The following SEMA3C variants were observed in gnomAD, a reference collection of about 807,000 sequenced individuals.
SEMA3C encodes semaphorin 3C.
SEMA3C carries 47 observed loss-of-function variants against 89.4 expected under a neutral mutation model. The observed-to-expected ratio is 0.53, with a 90% confidence interval of 0.42 to 0.67. The LOEUF is 0.67. SEMA3C is among the 30% of genes least tolerant of loss of function. SEMA3C has a pLI of 0.00. For missense variants in SEMA3C, 839 were observed against 929.1 expected (o/e 0.90, Z 1.26); for synonymous variants, 310 against 320.2 (o/e 0.97, Z 0.34).
chr7:80,782,259 A>G (rs1788707818), intron 12 of SEMA3C, among the ~76,000 whole-genome samples: 1 of 152,202 alleles, frequency 6.6e-6, no homozygotes, highest in Non-Finnish European at 1.5e-5. Flanking sequence ...TCACACACAA[A>G]AATTCAGTCG....
intron 4 of SEMA3C, among the ~76,000 whole-genome samples, chr7:80,820,279 C>T (rs1052379357): frequency 2.6e-5 from 4 of 151,894 alleles, no homozygotes; most frequent in Non-Finnish European, 5.9e-5. Flanking sequence ...CCAGGATGGT[C>T]TCGATCTCCT....
At chr7:80,810,404 A>G (rs6953074) in intron 6 of SEMA3C, among the ~76,000 whole-genome samples, 12,819 of 152,176 alleles carry the variant, frequency 0.084, 574 homozygotes, top group Non-Finnish European at 0.098. Flanking sequence ...GAATGACAAA[A>G]CTGTCATAAG....
At chr7:80,829,672 T>C (rs1254899039) in intron 2 of SEMA3C, among the ~76,000 whole-genome samples, 1 of 152,156 alleles carries the variant, frequency 6.6e-6, no homozygotes, top group Non-Finnish European at 1.5e-5. Flanking sequence ...CCTCAGAGGT[T>C]AGTGACTCAC....
intron 2 of SEMA3C, among the ~76,000 whole-genome samples, chr7:80,909,205 T>C (rs1792088370): frequency 6.6e-6 from 1 of 152,146 alleles, no homozygotes; most frequent in Non-Finnish European, 1.5e-5. Flanking sequence ...CCTAAAATAA[T>C]TTAGAAGTTG....
At chr7:80,805,821 G>T (rs1345494794) in intron 6 of SEMA3C, 63 bp from the exon 7 acceptor site, 1 of 1,240,816 alleles carries the variant, frequency 8.1e-7, no homozygotes, top group Non-Finnish European at 1.1e-6. Context: ...TTCTAGGTGA[G>T]TTTATTTATT....
intron 2 of SEMA3C, among the ~76,000 whole-genome samples, chr7:80,880,292 T>C (rs1315785361): frequency 1.3e-5 from 2 of 152,324 alleles, no homozygotes; most frequent in African/African-American, 4.8e-5. Context: ...TTGTTTAAGA[T>C]AGTGAATAAT....
At chr7:80,746,718 G>GGTGTGTGTGTGT (rs5885196) in intron 17 of SEMA3C, among the ~76,000 whole-genome samples, 13,743 of 142,884 alleles carry the variant, frequency 0.096, 761 homozygotes, top group South Asian at 0.14. Context: ...ATTGAAGTGG[G>GGTGTGTGTGTGT]GTGTGTGTGT....
At chr7:80,895,937 A>C (rs554349738) in intron 2 of SEMA3C, among the ~76,000 whole-genome samples, 1 of 152,236 alleles carries the variant, frequency 6.6e-6, no homozygotes, top group Non-Finnish European at 1.5e-5. Flanking sequence ...CCTGTGAATA[A>C]AATTTGTAGT....
chr7:80,811,227 A>C (rs2115719665), intron 5 of SEMA3C, among the ~76,000 whole-genome samples: 1 of 152,304 alleles, frequency 6.6e-6, no homozygotes, highest in South Asian at 2.1e-4. Context: ...TTTAACAAAA[A>C]TTCACTGAGC....
chr7:80,819,472 C>T (rs1789693312), intron 4 of SEMA3C, among the ~76,000 whole-genome samples: 1 of 152,132 alleles, frequency 6.6e-6, no homozygotes, highest in Admixed American at 6.5e-5. Context: ...TCTGAATGCA[C>T]CTGTGCCTAT....
intron 2 of SEMA3C, among the ~76,000 whole-genome samples, chr7:80,912,544 C>G (rs1792177973): frequency 6.6e-6 from 1 of 152,180 alleles, no homozygotes; most frequent in South Asian, 2.1e-4. Context: ...CAATTAAACT[C>G]TCACAAGGGG....
chr7:80,850,605 G>A (rs1479873236), intron 2 of SEMA3C, among the ~76,000 whole-genome samples: 4 of 152,174 alleles, frequency 2.6e-5, no homozygotes, highest in Admixed American at 2.6e-4. Context: ...TATTCAGGGA[G>A]AAGGGAGGAG....
rs185781078 is a variant in SEMA3C, at chr7:80,825,784, A to C, written c.327+1641T>G. On this transcript the variant is annotated intron_variant, in intron 4 of 17. Transcript: ENST00000265361. Reference sequence around the variant, plus strand: ...ATCAGACACACATCAATGGGAAAAAAATCTCATTAGAGAATAAAAGAAAAC... The same window carrying C: ...ATCAGACACACATCAATGGGAAAAACATCTCATTAGAGAATAAAAGAAAAC... Among the ~76,000 whole-genome samples, 382 of 152,310 alleles carry C rather than the reference A, an allele frequency of 2.5e-3. 1 individual carries two copies. Among genetic ancestry groups the C allele is most frequent in the African/African-American group, 8.5e-3 (355 of 41,574 alleles).
rs1262723179 is a variant in SEMA3C, at chr7:80,894,482, C to CA, written c.103+22196dup. Among the ~76,000 whole-genome samples, 3 of 152,086 alleles carry CA rather than the reference C, an allele frequency of 2.0e-5. No homozygotes were observed. In the South Asian group the frequency reaches 6.2e-4, roughly 32 times the overall value. On this transcript the variant is annotated intron_variant, in intron 2 of 17. Coordinates refer to ENST00000265361, the MANE Select transcript of SEMA3C (RefSeq NM_006379.5). ...TAGCACTCATAGCCACATGTTTCTA[C>CA]AAAAAAATTTTTTTAATCACACATT... is the stretch of plus-strand genomic sequence containing the variant.
chr7:80,921,944 G>A (rs1792416381), upstream of SEMA3C, among the ~76,000 whole-genome samples: 2 of 152,138 alleles, frequency 1.3e-5, no homozygotes, highest in African/African-American at 4.8e-5. Context: ...AAAGAAAACA[G>A]ATTTTTCCCT....
chr7:80,743,119 G>A lies in SEMA3C; in HGVS notation c.*1775C>T, dbSNP rs1787719143. 1 of 151,814 alleles carries A rather than the reference G, an allele frequency of 6.6e-6. No homozygotes were observed. Among genetic ancestry groups the A allele is most frequent in the Non-Finnish European group, 1.5e-5 (1 of 67,814 alleles). 9.4% of individuals were successfully genotyped at this position (151,814 alleles called of 1,614,324 possible). A position where few individuals can be genotyped will look rare whatever the true frequency, so the allele number is the denominator to read the frequency against. On this transcript the variant is annotated 3_prime_UTR_variant, in exon 18 of 18. Coordinates refer to ENST00000265361, the MANE Select transcript of SEMA3C (RefSeq NM_006379.5). ...CACATTTCTGTGTGTCAATGTAGAA[G>A]AGAAAAGAAGTTTAATTATACCTTT...
chr7:80,779,213 A>T lies in SEMA3C; in HGVS notation c.1354+10093T>A, dbSNP rs77364188. ...ATGTCTCAAAGCCTCAGTTTACACA[A>T]CTGTAAAATGGGGATAATGATTTTC... On this transcript the variant is annotated intron_variant, in intron 12 of 17. Transcript: ENST00000265361. Among the ~76,000 whole-genome samples, 1,111 of 152,284 alleles carry T rather than the reference A, an allele frequency of 7.3e-3. 60 individuals carry two copies. The East Asian group carries it at 0.14, about 20-fold the overall frequency.
Position 80,863,423 on chromosome 7 carries a change from T to G in SEMA3C, c.104-34678A>C, listed in dbSNP as rs552143840. Among the ~76,000 whole-genome samples, 17 of 151,566 alleles carry G rather than the reference T, an allele frequency of 1.1e-4. 3 individuals are homozygous for G. In the South Asian group the frequency reaches 3.6e-3, roughly 32 times the overall value. ...CACTACTGGTAAGAATGCAAACTAG[T>G]ACAGCCGCTATGGAAAACAGTGTAG... On this transcript the variant is annotated intron_variant, in intron 2 of 17. Transcript: ENST00000265361.
chr7:80,920,165 T>C (rs1792380943), upstream of SEMA3C, among the ~76,000 whole-genome samples: 1 of 152,158 alleles, frequency 6.6e-6, no homozygotes, highest in African/African-American at 2.4e-5. Flanking sequence ...TACTTTCAGG[T>C]ACACTCGTTA....
Sources: gnomAD v4.1 joint callset for allele counts (sites outside exome capture counted in the v4.1 genomes callset) on GRCh38, gnomAD v4.1.1 for gene constraint, MANE v1.5 for transcripts, NCBI Gene and HGNC (gene_info 2026-07-23, HGNC 2026-07-21) for gene names.